C13orf46: variants seen among roughly 807,000 people sequenced by gnomAD.
C13orf46 encodes chromosome 13 open reading frame 46, also known as uncharacterized protein C13orf46.
the C13orf46 span, among the ~76,000 whole-genome samples, chr13:113,948,698 G>A: frequency 1.8e-4 from 28 of 152,286 alleles, no homozygotes; most frequent in African/African-American, 5.1e-4. Flanking sequence ...ATTGCTGAAC[G>A]CTCCAACAGA....
chr13:113,952,003 C>G (rs2052490928), downstream of C13orf46, among the ~76,000 whole-genome samples: 1 of 152,240 alleles, frequency 6.6e-6, no homozygotes, highest in South Asian at 2.1e-4. Context: ...CGTGTGTGGG[C>G]ATCTAAACCC....
At chr13:113,966,182 GA>G (rs2052644672) in intron 5 of C13orf46, among the ~76,000 whole-genome samples, 3 of 77,338 alleles carry the variant, frequency 3.9e-5, no homozygotes, top group South Asian at 4.3e-4. Flanking sequence ...TGATGATGAT[GA>G]TGGTGATGAT....
Position 113,956,017 on chromosome 13 carries a change from G to T in C13orf46, c.*756C>A, listed in dbSNP as rs1262084353. On this transcript the variant is annotated 3_prime_UTR_variant, in exon 7 of 7. Coordinates refer to ENST00000636427, the MANE Select transcript of C13orf46 (RefSeq NM_001365455.2). ...GCAGAGAGGAGGAGTAGGATCTGGC[G>T]GAGAGGAGGAGTAGGATCTGGCAGA... is the stretch of plus-strand genomic sequence containing the variant. 6.3e-6 allele frequency: 1 copy of T among 157,830 alleles called. No individual in the cohort carries two copies. Among genetic ancestry groups the T allele is most frequent in the Non-Finnish European group, 1.4e-5 (1 of 72,944 alleles). 9.8% of individuals were successfully genotyped at this position (157,830 alleles called of 1,614,324 possible). A position where few individuals can be genotyped will look rare whatever the true frequency, so the allele number is the denominator to read the frequency against.
At chr13:113,971,798 C>T (rs1797726758) in intron 1 of C13orf46, among the ~76,000 whole-genome samples, 1 of 152,230 alleles carries the variant, frequency 6.6e-6, no homozygotes, top group African/African-American at 2.4e-5. Flanking sequence ...AAACCAAGGC[C>T]ACGTCGGACT....
At chr13:113,966,141 ATGACAATGG>A (rs1476041657) in intron 5 of C13orf46, among the ~76,000 whole-genome samples, 4 of 145,012 alleles carry the variant, frequency 2.8e-5, no homozygotes, top group Non-Finnish European at 6.0e-5. Context: ...AATGGTGATG[ATGACAATGG>A]TGACGGTGAT....
At chr13:113,930,319 G>GGAAGGAGCACCGGGGTGGGAGT in the C13orf46 span, among the ~76,000 whole-genome samples, 1 of 152,206 alleles carries the variant, frequency 6.6e-6, no homozygotes, top group Non-Finnish European at 1.5e-5. Context: ...AGGCAGAGGT[G>GGAAGGAGCACCGGGGTGGGAGT]GAAGGAGCAC....
chr13:113,956,384 G>C lies in C13orf46; in HGVS notation c.*389C>G, dbSNP rs966212644. Reference sequence around the variant, plus strand: ...AGGAGGAGCATCTGGTGGAGAGGAGGAGCATCTGGTGGAGAGGAGGAGCAT... The same window carrying C: ...AGGAGGAGCATCTGGTGGAGAGGAGCAGCATCTGGTGGAGAGGAGGAGCAT... On this transcript the variant is annotated 3_prime_UTR_variant, in exon 7 of 7. Transcript: ENST00000636427. 2.6e-5 allele frequency: 4 copies of C among 154,150 alleles called. No homozygotes were observed. The highest frequency in any genetic ancestry group is 3.9e-4 in the East Asian group (2 of 5,180). 9.5% of individuals were successfully genotyped at this position (154,150 alleles called of 1,614,324 possible). A position where few individuals can be genotyped will look rare whatever the true frequency, so the allele number is the denominator to read the frequency against.
At chr13:113,958,664 C>G (rs1485064840) in intron 6 of C13orf46, among the ~76,000 whole-genome samples, 1 of 152,250 alleles carries the variant, frequency 6.6e-6, no homozygotes, top group Non-Finnish European at 1.5e-5. Context: ...CGGGCGACAG[C>G]CTCAGTGCAC....
At chr13:113,930,881 G>A in the C13orf46 span, among the ~76,000 whole-genome samples, 766 of 152,328 alleles carry the variant, frequency 5.0e-3, 4 homozygotes, top group African/African-American at 0.017. Flanking sequence ...TCTCCAGGCC[G>A]AAGACAGGAA....
At position 113,963,321 on chromosome 13, in the gene C13orf46, TCCCTGTCCTCAGCCCTCG is replaced by T. The variant is rs2052604319; in HGVS notation, c.572+1588_572+1605del. The stretch of plus-strand genomic sequence containing the variant: ...GCTTCACCCCTGTCCTCAGCCTCGG[TCCCTGTCCTCAGCCCTCG>T]CCCCGTCCTCAGCCTCGGCCCGTCC... On this transcript the variant is annotated intron_variant, in intron 6 of 6. Coordinates refer to ENST00000636427, the MANE Select transcript of C13orf46 (RefSeq NM_001365455.2). Among the ~76,000 whole-genome samples, 2 of 49,264 alleles carry T rather than the reference TCCCTGTCCTCAGCCCTCG, an allele frequency of 4.1e-5. 1 individual carries two copies. Among genetic ancestry groups the T allele is most frequent in the Non-Finnish European group, 9.5e-5 (2 of 20,952 alleles). The allele number at this position is 49,264 out of a possible 152,430, so 32.3% of individuals were successfully genotyped here. A position where few individuals can be genotyped will look rare whatever the true frequency, so the allele number is the denominator to read the frequency against.
the C13orf46 span, among the ~76,000 whole-genome samples, chr13:113,946,860 A>G: frequency 2.0e-5 from 3 of 152,256 alleles, no homozygotes; most frequent in Non-Finnish European, 4.4e-5. Context: ...GCAAAGCCAC[A>G]GCAGAGCTGG....
At chr13:113,966,597 G>A (rs987131730) in intron 5 of C13orf46, among the ~76,000 whole-genome samples, 68 of 151,286 alleles carry the variant, frequency 4.5e-4, no homozygotes, top group Middle Eastern at 3.5e-3. Context: ...TGGTGATGAT[G>A]ATGGTGACAG....
the C13orf46 span, among the ~76,000 whole-genome samples, chr13:113,939,172 T>G: frequency 2.6e-5 from 4 of 152,022 alleles, no homozygotes; most frequent in African/African-American, 9.7e-5. Context: ...TCTCACTCCT[T>G]CAGGTCCCGG....
intron 6 of C13orf46, among the ~76,000 whole-genome samples, chr13:113,958,262 C>T (rs1386322451): frequency 2.0e-5 from 3 of 152,278 alleles, no homozygotes; most frequent in Non-Finnish European, 4.4e-5. Flanking sequence ...TGGGGGTCTC[C>T]CCTGCACTCT....
the C13orf46 span, among the ~76,000 whole-genome samples, chr13:113,942,712 G>A: frequency 5.3e-5 from 8 of 152,368 alleles, no homozygotes; most frequent in East Asian, 1.5e-3. Context: ...GGATGAGGGA[G>A]ACGGCAGGGC....
rs1171973084 is a variant in C13orf46 at position 113,954,045 on chromosome 13, A to T, written c.*2728T>A. The T allele has an allele frequency of 6.6e-6, 1 of 152,174 alleles. No homozygotes were observed. Among genetic ancestry groups the T allele is most frequent in the African/African-American group, 2.4e-5 (1 of 41,412 alleles). 9.4% of individuals were successfully genotyped at this position (152,174 alleles called of 1,614,324 possible). ...GCAGCCTGGATGGTGCCCCACTTTG[A>T]TCAGAGGAAACTACCCAGTGGGACA... On this transcript the variant is annotated 3_prime_UTR_variant, in exon 7 of 7. Transcript: ENST00000636427.
At chr13:113,930,321 AAGGAGCACCGGGGTGGGAGTGG>A in the C13orf46 span, among the ~76,000 whole-genome samples, 8 of 152,106 alleles carry the variant, frequency 5.3e-5, no homozygotes, top group African/African-American at 1.7e-4. Flanking sequence ...GCAGAGGTGG[AAGGAGCACCGGGGTGGGAGTGG>A]AGGAGCACCG....
intron 2 of C13orf46, among the ~76,000 whole-genome samples, chr13:113,969,779 C>G (rs1438197809): frequency 1.3e-5 from 2 of 152,174 alleles, no homozygotes; most frequent in Non-Finnish European, 2.9e-5. Flanking sequence ...CCCACGCCCT[C>G]TCCCTAAAGG....
At chr13:113,962,599 T>A (rs1015305051) in intron 6 of C13orf46, among the ~76,000 whole-genome samples, 2 of 152,150 alleles carry the variant, frequency 1.3e-5, no homozygotes, top group African/African-American at 4.8e-5. Flanking sequence ...GGGGAATTTG[T>A]GAGATGAGGT....
Sources: allele counts gnomAD v4.1 joint callset (sites outside exome capture counted in the v4.1 genomes callset), GRCh38; gene constraint gnomAD v4.1.1; transcripts MANE v1.5; gene names NCBI Gene and HGNC (gene_info 2026-07-23, HGNC 2026-07-21).